The following GPR35 variants were observed in gnomAD, a reference collection of about 807,000 sequenced individuals.
The protein encoded by GPR35 is G protein-coupled receptor 35.
For missense variants in GPR35, 372 were observed against 422.5 expected, an observed-to-expected ratio of 0.88 and a Z score of 1.05; for synonymous variants, 207 against 198.4, an observed-to-expected ratio of 1.04 and a Z score of -0.36.
intron 1 of GPR35, chr2:240,628,201 C>G (rs775094330): frequency 6.6e-6 from 1 of 152,186 alleles, no homozygotes; most frequent in Non-Finnish European, 1.5e-5. Flanking sequence ...TGGCCCCCAG[C>G]GGGGGCTGCC....
In GPR35 at chr2:240,631,113, AC is replaced by A. The variant is rs1223835824; in HGVS notation, c.*236del. The stretch of plus-strand genomic sequence containing the variant: ...GGCCAGAGCAAGGCCAATGTCAGAG[AC>A]CCCCGGGATGGGGCCTCACACTTGC... On this transcript the variant is annotated 3_prime_UTR_variant, in exon 2 of 2. Coordinates refer to ENST00000407714, the MANE Select transcript of GPR35 (RefSeq NM_005301.5). 5.4e-6 allele frequency: 3 copies of A among 552,954 alleles called. No individual in the cohort carries two copies. The highest frequency in any genetic ancestry group is 9.9e-6 in the Non-Finnish European group (3 of 302,372). 34.3% of individuals were successfully genotyped at this position (552,954 alleles called of 1,614,324 possible).
upstream of GPR35, among the ~76,000 whole-genome samples, chr2:240,620,999 G>A (rs1023461593): frequency 3.3e-5 from 5 of 152,312 alleles, no homozygotes; most frequent in South Asian, 8.3e-4. Flanking sequence ...CCAGCAGGAC[G>A]TGCACTTCCA....
chr2:240,613,337 T>C (rs1358988563), intron 2 of GPR35, among the ~76,000 whole-genome samples: 1 of 151,960 alleles, frequency 6.6e-6, no homozygotes, highest in Non-Finnish European at 1.5e-5. Flanking sequence ...TGTTGGAGGG[T>C]GTGCATTTGA....
chr2:240,606,021 C>A (rs1032048739), intron 1 of GPR35, among the ~76,000 whole-genome samples: 17 of 152,206 alleles, frequency 1.1e-4, no homozygotes, highest in African/African-American at 3.9e-4. Flanking sequence ...CAGACCATGG[C>A]TGCAGGGCTC....
intron 4 of GPR35, chr2:240,618,773 T>G: frequency 4.2e-6 from 2 of 479,566 alleles, no homozygotes; most frequent in Non-Finnish European, 7.4e-6. Context: ...TGGCTCCATC[T>G]AAAAACACAT....
At chr2:240,610,793 C>T (rs536224280) in intron 2 of GPR35, among the ~76,000 whole-genome samples, 1 of 151,812 alleles carries the variant, frequency 6.6e-6, no homozygotes, top group Non-Finnish European at 1.5e-5. Context: ...CGCCACCACG[C>T]CCGGCTAATT....
At chr2:240,607,086 G>A (rs1353657093) in intron 2 of GPR35, 1 of 152,162 alleles carries the variant, frequency 6.6e-6, no homozygotes, top group Non-Finnish European at 1.5e-5. Context: ...CTTAATGCTT[G>A]ATTGGATTGA....
rs2043450522 is a variant in GPR35 at position 240,631,632 on chromosome 2, TCTC to T, written c.*753_*755del. On this transcript the variant is annotated 3_prime_UTR_variant, in exon 2 of 2. Coordinates refer to ENST00000407714, the MANE Select transcript of GPR35 (RefSeq NM_005301.5). The stretch of plus-strand genomic sequence containing the variant: ...GGTCTGTCAAGGAACCCAGCCCTCT[TCTC>T]CTTCCTTCAGGGAAAGGCTGGAAAC... Among the ~76,000 whole-genome samples the T allele has an allele frequency of 6.6e-6, 1 of 152,020 alleles. No homozygotes were observed. Among genetic ancestry groups the T allele is most frequent in the Non-Finnish European group, 1.5e-5 (1 of 67,970 alleles).
rs906760450 is a variant in GPR35, at chr2:240,631,988, C to T, written c.*1106C>T. ...CACAGGACCCAGGCTCCGGAGGGCC[C>T]ATGCCCAGGAGAGCCCCATAAGGGC... On this transcript the variant is annotated 3_prime_UTR_variant, in exon 2 of 2. Coordinates refer to ENST00000407714, the MANE Select transcript of GPR35 (RefSeq NM_005301.5). Among the ~76,000 whole-genome samples, 1 of 152,268 alleles carries T rather than the reference C, an allele frequency of 6.6e-6. No homozygotes were observed. The highest frequency in any genetic ancestry group is 2.4e-5 in the African/African-American group (1 of 41,482).
chr2:240,629,967 C>T lies in GPR35; in HGVS notation c.15C>T (p.Tyr5=), dbSNP rs139357553. Residue 5 remains tyrosine (Y), a synonymous_variant, in exon 2 of 2, where the codon TAC becomes TAT. Coordinates refer to ENST00000407714, the MANE Select transcript of GPR35 (RefSeq NM_005301.5). MNGT[Y]NTCGSSDLTW... ...GCCCCAGGACCATGAATGGCACCTA[C>T]AACACCTGTGGCTCCAGCGACCTCA... 6.2e-7 allele frequency: 1 copy of T among 1,604,578 alleles called. No homozygotes were observed. The highest frequency in any genetic ancestry group is 8.5e-7 in the Non-Finnish European group (1 of 1,173,378).
intron 2 of GPR35, among the ~76,000 whole-genome samples, chr2:240,613,042 C>T (rs556782507): frequency 6.6e-6 from 1 of 152,358 alleles, no homozygotes; most frequent in Non-Finnish European, 1.5e-5. Context: ...GAACTCCAAC[C>T]TCAACTGTAA....
At chr2:240,611,221 G>A (rs2043180079) in intron 2 of GPR35, among the ~76,000 whole-genome samples, 1 of 152,062 alleles carries the variant, frequency 6.6e-6, no homozygotes, top group Non-Finnish European at 1.5e-5. Flanking sequence ...ACCCACCTCG[G>A]CCTCACAAAG....
At chr2:240,614,796 A>G (rs1421346053) in intron 2 of GPR35, among the ~76,000 whole-genome samples, 1 of 152,162 alleles carries the variant, frequency 6.6e-6, no homozygotes, top group East Asian at 1.9e-4. Flanking sequence ...GATGTAGCTT[A>G]TCAGAGTGTG....
rs1480166438 is a variant in GPR35 at position 240,631,268 on chromosome 2, C to T, written c.*386C>T. On this transcript the variant is annotated 3_prime_UTR_variant, in exon 2 of 2. Transcript: ENST00000407714. ...ACCCAGAGTCAGTCCTAGTGGGGCCCTCTGTGTTTCGCACTCGTGTGGTGG... is the reference window on the plus strand; with the variant it reads ...ACCCAGAGTCAGTCCTAGTGGGGCCTTCTGTGTTTCGCACTCGTGTGGTGG... The T allele has an allele frequency of 7.9e-6, 2 of 252,952 alleles. No individual in the cohort carries two copies. The highest frequency in any genetic ancestry group is 9.3e-5 in the East Asian group (1 of 10,740). The allele number at this position is 252,952 out of a possible 1,614,324, so 15.7% of individuals were successfully genotyped here.
At position 240,632,049 on chromosome 2, in the gene GPR35, A is replaced by ATGTCTAGGGGGGTTCCG. The variant is rs71293150; in HGVS notation, c.*1169_*1170insTCTAGGGGGGTTCCGTG. ...AAAGGGTGCATGCCCAGGTGGGCCC[A>ATGTCTAGGGGGGTTCCG]TGCCCAGGAAGGTCCATGCCCAGGA... is the stretch of plus-strand genomic sequence containing the variant. On this transcript the variant is annotated 3_prime_UTR_variant, in exon 2 of 2. Coordinates refer to ENST00000407714, the MANE Select transcript of GPR35 (RefSeq NM_005301.5). 1.3e-4 allele frequency among the ~76,000 whole-genome samples: 19 copies of ATGTCTAGGGGGGTTCCG among 150,730 alleles called. No homozygotes were observed. The highest frequency in any genetic ancestry group is 2.1e-4 in the Non-Finnish European group (14 of 67,428).
At chr2:240,610,494 C>T (rs1241125801) in intron 2 of GPR35, among the ~76,000 whole-genome samples, 2 of 152,160 alleles carry the variant, frequency 1.3e-5, no homozygotes. Context: ...CGAAGAGTCT[C>T]CTGTCACTCA....
chr2:240,620,924 G>T (rs2043286286), upstream of GPR35, among the ~76,000 whole-genome samples: 1 of 152,202 alleles, frequency 6.6e-6, no homozygotes, highest in African/African-American at 2.4e-5. Context: ...CCTGTGTCCT[G>T]GTCCCCAGCC....
intron 1 of GPR35, 36 bp from the exon 2 acceptor site, chr2:240,629,913 C>G (rs1270375826): frequency 1.3e-6 from 2 of 1,554,954 alleles, no homozygotes; most frequent in Non-Finnish European, 1.8e-6. Flanking sequence ...CCCCTGCTCA[C>G]TCTCTGCTGA....
chr2:240,622,756 G>A (rs763645216), upstream of GPR35, among the ~76,000 whole-genome samples: 2 of 152,178 alleles, frequency 1.3e-5, no homozygotes, highest in African/African-American at 2.4e-5. Flanking sequence ...AGCCCAGCGG[G>A]GTGAAGTGGG....
Sources: allele counts gnomAD v4.1 joint callset (sites outside exome capture counted in the v4.1 genomes callset), GRCh38; gene constraint gnomAD v4.1.1; transcripts MANE v1.5; gene names NCBI Gene and HGNC (gene_info 2026-07-23, HGNC 2026-07-21).